Variants in ATP23 observed in about 807,000 individuals in gnomAD.
ATP23 encodes the protein mitochondrial inner membrane protease ATP23 homolog.
In ATP23, 24 loss-of-function variants were observed where a neutral mutation model predicts 28.5. The observed-to-expected ratio is 0.84, with a 90% CI of 0.61 to 1.18. The LOEUF (loss-of-function observed/expected upper bound fraction) is 1.18, where lower values mean the gene tolerates loss of function less well. Ranked by LOEUF, ATP23 falls within the 50% of genes most tolerant of loss-of-function variation. ATP23 has a pLI of 0.00. For missense variants in ATP23, 274 were observed against 306.4 expected, an observed-to-expected ratio of 0.89 and a Z score of 0.79; for synonymous variants, 99 against 108.6, an observed-to-expected ratio of 0.91 and a Z score of 0.55.
intron 3 of ATP23, among the ~76,000 whole-genome samples, chr12:57,947,451 C>T (rs766894538): frequency 1.3e-5 from 2 of 151,854 alleles, no homozygotes; most frequent in South Asian, 2.1e-4. Context: ...GTGCATGCTA[C>T]GAAACTGCAT....
intron 1 of ATP23, 122 bp from the exon 2 acceptor site, chr12:57,945,506 A>G (rs1956751871): frequency 1.7e-5 from 13 of 785,762 alleles, no homozygotes; most frequent in Non-Finnish European, 2.3e-5. Context: ...TGCTGGGATT[A>G]CAGGCATGAG....
intron 3 of ATP23, among the ~76,000 whole-genome samples, chr12:57,950,122 A>G (rs1351101089): frequency 6.6e-6 from 1 of 152,172 alleles, no homozygotes; most frequent in Non-Finnish European, 1.5e-5. Context: ...AGTTTTGGCC[A>G]TCTCCTGCCT....
At chr12:57,950,850 A>G (rs1398832550) in intron 3 of ATP23, among the ~76,000 whole-genome samples, 1 of 152,222 alleles carries the variant, frequency 6.6e-6, no homozygotes, top group Non-Finnish European at 1.5e-5. Flanking sequence ...GCTCATGACA[A>G]CCTGGGTTTT....
Position 57,958,348 on chromosome 12 carries a change from C to T in ATP23, c.*1458C>T, listed in dbSNP as rs1382456413. ...ATACAATCTTGGGAGTTCTAGGGCC[C>T]CACTCACCACAAGTTCTTCTCCATA... is the stretch of plus-strand genomic sequence containing the variant. On this transcript the variant is annotated 3_prime_UTR_variant, in exon 6 of 6. Transcript: ENST00000300145. 6.6e-6 allele frequency among the ~76,000 whole-genome samples: 1 copy of T among 152,112 alleles called. No homozygotes were observed. Among genetic ancestry groups the T allele is most frequent in the African/African-American group, 2.4e-5 (1 of 41,430 alleles).
intron 2 of ATP23, among the ~76,000 whole-genome samples, chr12:57,946,782 A>G (rs918655571): frequency 6.6e-6 from 1 of 152,122 alleles, no homozygotes; most frequent in African/African-American, 2.4e-5. Context: ...AATCATATCT[A>G]TAGAATTTGA....
At chr12:57,944,101 CTG>C (rs997664395) in intron 1 of ATP23, among the ~76,000 whole-genome samples, 9 of 134,028 alleles carry the variant, frequency 6.7e-5, no homozygotes, top group African/African-American at 1.1e-4. Context: ...ACTTTTGAAA[CTG>C]TTTTAATTTT....
rs1412821504 is a variant in ATP23, at chr12:57,957,643, G to T, written c.*753G>T. Among the ~76,000 whole-genome samples the T allele has an allele frequency of 6.6e-6, 1 of 152,148 alleles. No individual in the cohort carries two copies. ...CACTGGAGAAACTGAAGGTCTGTTT[G>T]TGGGAGAAGTTTCCGACCTTACCTG... On this transcript the variant is annotated 3_prime_UTR_variant, in exon 6 of 6. Coordinates refer to ENST00000300145, the MANE Select transcript of ATP23 (RefSeq NM_033276.4).
rs569264487 is a variant in ATP23, at chr12:57,958,236, C to A, written c.*1346C>A. ...CACAACAGTCACAGCAAGACCTGCCCAAGGAGAGTCTGAGCTCAGACATGT... is the reference window on the plus strand; with the variant it reads ...CACAACAGTCACAGCAAGACCTGCCAAAGGAGAGTCTGAGCTCAGACATGT... On this transcript the variant is annotated 3_prime_UTR_variant, in exon 6 of 6. Transcript: ENST00000300145. 1.1e-4 allele frequency among the ~76,000 whole-genome samples: 17 copies of A among 152,222 alleles called. No homozygotes were observed. The highest frequency in any genetic ancestry group is 4.1e-4 in the African/African-American group (17 of 41,546).
intron 3 of ATP23, among the ~76,000 whole-genome samples, chr12:57,947,564 G>A (rs1956774611): frequency 6.6e-6 from 1 of 152,162 alleles, no homozygotes; most frequent in South Asian, 2.1e-4. Context: ...CCCTATGGTG[G>A]GAGGTTTTGA....
rs1956818880 is a variant in ATP23, at chr12:57,951,853, T to TC, written c.411_412insC (p.Val138ArgfsTer19). 6.2e-7 allele frequency: 1 copy of TC among 1,614,214 alleles called. No homozygotes were observed. The highest frequency in any genetic ancestry group is 1.7e-5 in the Admixed American group (1 of 60,024). ...ATGCATTTGATCATTGTCGTGCCCA[T>TC]GTCGACTGGTTCACCAACATCAGAC... On this transcript the variant is annotated frameshift_variant, in exon 4 of 6. Transcript: ENST00000300145. LOFTEE classifies it high-confidence loss of function.
In ATP23 at chr12:57,956,689, T is replaced by C; in HGVS notation, c.540T>C (p.Thr180=). ...CTCATACTTTTCCTTCTTTTTAGAC[T>C]TGTGTGCGAGACAGAGCCACTCTTT... ...LHFGLKQHHQ[T]CVRDRATLSI... is the part of the protein sequence containing the mutation. The change falls in exon 6 of 6, where the codon ACT becomes ACC. Residue 180 remains threonine (T), a splice_region_variant and synonymous_variant. Coordinates refer to ENST00000300145, the MANE Select transcript of ATP23 (RefSeq NM_033276.4). 1 of 1,595,872 alleles carries C rather than the reference T, an allele frequency of 6.3e-7. No individual in the cohort carries two copies. Among genetic ancestry groups the C allele is most frequent in the African/African-American group, 1.3e-5 (1 of 74,348 alleles).
chr12:57,942,825 CAG>C (rs2140525386), intron 1 of ATP23, among the ~76,000 whole-genome samples: 1 of 152,218 alleles, frequency 6.6e-6, no homozygotes, highest in East Asian at 1.9e-4. Flanking sequence ...GTGGGTTAAA[CAG>C]GGACACAACT....
chr12:57,953,911 GA>G (rs1338762942), intron 5 of ATP23, among the ~76,000 whole-genome samples: 2 of 152,086 alleles, frequency 1.3e-5, no homozygotes, highest in African/African-American at 2.4e-5. Context: ...GTCTAATAAT[GA>G]AAAGAGGCCT....
At chr12:57,945,866 G>GTTTT (rs534553402) in intron 2 of ATP23, among the ~76,000 whole-genome samples, 193 bp downstream of exon 2, 1 of 134,806 alleles carries the variant, frequency 7.4e-6, no homozygotes, top group African/African-American at 2.7e-5. Context: ...CCTAACTCAT[G>GTTTT]TTTTTTTTTT....
chr12:57,946,911 T>C, intron 2 of ATP23, 84 bp from the exon 3 acceptor site: 1 of 1,122,090 alleles, frequency 8.9e-7, no homozygotes, highest in South Asian at 1.4e-5. Context: ...TACTATATGG[T>C]GGAGGGTCTC....
chr12:57,945,954 C>T (rs1040183896), intron 2 of ATP23, among the ~76,000 whole-genome samples: 4 of 150,898 alleles, frequency 2.7e-5, no homozygotes, highest in East Asian at 2.0e-4. Flanking sequence ...CAACCTCCGT[C>T]TCCCAGGTTC....
rs1956893790 is a variant in ATP23, at chr12:57,959,020, G to A, written c.*2130G>A. ...AGAAGTGAAGGGAGAAATATTCAAG[G>A]AAATGGAGAGCTTAAAGAAAAAAGA... On this transcript the variant is annotated 3_prime_UTR_variant, in exon 6 of 6. Coordinates refer to ENST00000300145, the MANE Select transcript of ATP23 (RefSeq NM_033276.4). Among the ~76,000 whole-genome samples the A allele has an allele frequency of 6.6e-6, 1 of 152,072 alleles. No homozygotes were observed. Among genetic ancestry groups the A allele is most frequent in the Non-Finnish European group, 1.5e-5 (1 of 68,022 alleles).
chr12:57,951,699 C>T (rs1489683028), intron 3 of ATP23, 59 bp from the exon 4 acceptor site: 37 of 1,588,062 alleles, frequency 2.3e-5, no homozygotes, highest in Non-Finnish European at 2.8e-5. Flanking sequence ...GAGAGAAGAT[C>T]GAGTCTATGG....
At position 57,945,615 on chromosome 12, in the gene ATP23, A is replaced by G. The variant is rs1463349313; in HGVS notation, c.188-13A>G. On this transcript the variant is annotated splice_polypyrimidine_tract_variant and intron_variant, in intron 1 of 5. Transcript: ENST00000300145. ...CTTTTCCAATTACTTAATTAAATCAATATCTTTTTTAGATCCATATGTCAA... is the reference window on the plus strand; with the variant it reads ...CTTTTCCAATTACTTAATTAAATCAGTATCTTTTTTAGATCCATATGTCAA... 10 of 1,607,586 alleles carry G rather than the reference A, an allele frequency of 6.2e-6. No individual in the cohort carries two copies. The highest frequency in any genetic ancestry group is 4.4e-5 in the South Asian group (4 of 90,944).
Sources: allele counts gnomAD v4.1 joint callset (sites outside exome capture counted in the v4.1 genomes callset), GRCh38; gene constraint gnomAD v4.1.1; transcripts MANE v1.5; gene names NCBI Gene and HGNC (gene_info 2026-07-23, HGNC 2026-07-21).